Variants in NR2F1-AS1 observed in about 807,000 individuals in gnomAD.
NR2F1-AS1 encodes NR2F1 regulatory antisense RNA 1, also known as NR2F1 antisense RNA 1.
intron 4 of NR2F1-AS1, among the ~76,000 whole-genome samples, chr5:93,458,677 TA>T (rs1210061485): frequency 6.6e-6 from 1 of 152,122 alleles, no homozygotes. Context: ...TGCCTTTCAC[TA>T]AAGTAAAAAC....
intron 1 of NR2F1-AS1, among the ~76,000 whole-genome samples, chr5:93,571,799 T>C (rs1335522705): frequency 2.7e-5 from 4 of 146,810 alleles, no homozygotes; most frequent in Non-Finnish European, 6.0e-5. Context: ...TTGCAAAACC[T>C]GCTAGGGACA....
chr5:93,463,169 G>A (rs1401614897), intron 4 of NR2F1-AS1, among the ~76,000 whole-genome samples: 4 of 152,184 alleles, frequency 2.6e-5, no homozygotes, highest in African/African-American at 9.7e-5. Context: ...GGGCCCCCCT[G>A]CTGTATGCCA....
intron 4 of NR2F1-AS1, among the ~76,000 whole-genome samples, chr5:93,534,216 C>T (rs566012327): frequency 6.6e-6 from 1 of 152,256 alleles, no homozygotes; most frequent in East Asian, 1.9e-4. Context: ...TTGAGTCTCA[C>T]GATTACCCTG....
intron 4 of NR2F1-AS1, among the ~76,000 whole-genome samples, chr5:93,508,357 T>C (rs1466930402): frequency 6.6e-6 from 1 of 152,102 alleles, no homozygotes; most frequent in Non-Finnish European, 1.5e-5. Flanking sequence ...TATTAGAAAG[T>C]TGGCAATACA....
intron 1 of NR2F1-AS1, among the ~76,000 whole-genome samples, chr5:93,574,095 A>T (rs1327534083): frequency 3.9e-5 from 6 of 152,190 alleles, no homozygotes; most frequent in Non-Finnish European, 8.8e-5. Flanking sequence ...CACCCCAACT[A>T]GCTGGTTTGA....
intron 4 of NR2F1-AS1, among the ~76,000 whole-genome samples, chr5:93,451,982 A>G (rs1012452633): frequency 1.3e-5 from 2 of 152,186 alleles, no homozygotes; most frequent in African/African-American, 4.8e-5. Context: ...CACACAATAC[A>G]TTCCAAAGAC....
intron 4 of NR2F1-AS1, among the ~76,000 whole-genome samples, chr5:93,483,968 T>C (rs991753627): frequency 1.2e-4 from 18 of 152,216 alleles, no homozygotes; most frequent in African/African-American, 4.3e-4. Context: ...ACCAAACCTA[T>C]GTTTGATTGG....
chr5:93,506,671 G>A (rs969794355), intron 4 of NR2F1-AS1, among the ~76,000 whole-genome samples: 7 of 152,004 alleles, frequency 4.6e-5, no homozygotes, highest in East Asian at 1.9e-4. Context: ...ATCATATTTC[G>A]TGAGACTTAG....
intron 4 of NR2F1-AS1, among the ~76,000 whole-genome samples, chr5:93,492,564 T>C (rs1213220257): frequency 1.3e-5 from 2 of 152,170 alleles, no homozygotes; most frequent in Non-Finnish European, 2.9e-5. Context: ...ATTACTCTGA[T>C]ACTAAAGTCA....
At chr5:93,500,175 C>T (rs970386486) in intron 4 of NR2F1-AS1, among the ~76,000 whole-genome samples, 1 of 152,170 alleles carries the variant, frequency 6.6e-6, no homozygotes, top group Non-Finnish European at 1.5e-5. Context: ...AAACAGCCTT[C>T]GGTTGAAAGA....
At chr5:93,504,479 A>G (rs1224523318) in intron 4 of NR2F1-AS1, among the ~76,000 whole-genome samples, 6 of 152,208 alleles carry the variant, frequency 3.9e-5, no homozygotes, top group Non-Finnish European at 1.5e-5. Context: ...AATAAAAAAT[A>G]GGAAAAGCTA....
chr5:93,414,776 T>A (rs1382024486), intron 4 of NR2F1-AS1, among the ~76,000 whole-genome samples: 1 of 152,050 alleles, frequency 6.6e-6, no homozygotes, highest in East Asian at 1.9e-4. Flanking sequence ...TTCATCCTTT[T>A]AATTTATATA....
At chr5:93,409,767 A>G (rs1748811764) in intron 4 of NR2F1-AS1, 1 of 152,200 alleles carries the variant, frequency 6.6e-6, no homozygotes, top group Non-Finnish European at 1.5e-5. Context: ...AATTCACATC[A>G]CATTATTTAT....
intron 4 of NR2F1-AS1, among the ~76,000 whole-genome samples, chr5:93,533,297 G>C (rs1751770812): frequency 6.6e-6 from 1 of 151,856 alleles, no homozygotes; most frequent in South Asian, 2.1e-4. Flanking sequence ...CATTTCAAAG[G>C]GTCATTTATT....
intron 4 of NR2F1-AS1, among the ~76,000 whole-genome samples, chr5:93,508,428 G>GA (rs771786415): frequency 1.3e-5 from 2 of 151,882 alleles, no homozygotes; most frequent in South Asian, 2.1e-4. Flanking sequence ...GTTACATACG[G>GA]AAAAAAAATT....
chr5:93,585,161 G>C, upstream of NR2F1-AS1: 5 of 1,195,502 alleles, frequency 4.2e-6, no homozygotes, highest in Non-Finnish European at 5.2e-6. Flanking sequence ...AGGCGGGCTC[G>C]GGCGCGCCGC....
chr5:93,547,313 G>A (rs761918559), intron 4 of NR2F1-AS1, among the ~76,000 whole-genome samples: 10 of 152,104 alleles, frequency 6.6e-5, no homozygotes, highest in South Asian at 2.1e-4. Flanking sequence ...ATTACATGTC[G>A]CTGTAGACCA....
intron 4 of NR2F1-AS1, among the ~76,000 whole-genome samples, chr5:93,418,004 C>A (rs1404140487): frequency 6.6e-6 from 1 of 152,142 alleles, no homozygotes; most frequent in Non-Finnish European, 1.5e-5. Flanking sequence ...CTTTTCTTTT[C>A]TTTAGGCCAA....
At chr5:93,573,507 G>A (rs573188814) in intron 1 of NR2F1-AS1, among the ~76,000 whole-genome samples, 8 of 152,298 alleles carry the variant, frequency 5.3e-5, no homozygotes, top group Non-Finnish European at 1.2e-4. Flanking sequence ...GAAGACGGAG[G>A]AAAAACGAAC....
Sources: gnomAD v4.1 joint callset for allele counts (sites outside exome capture counted in the v4.1 genomes callset) on GRCh38, gnomAD v4.1.1 for gene constraint, MANE v1.5 for transcripts, NCBI Gene and HGNC (gene_info 2026-07-23, HGNC 2026-07-21) for gene names.